FBXL17: variants seen among roughly 807,000 people sequenced by gnomAD.
FBXL17 encodes F-box and leucine rich repeat protein 17, also known as F-box/LRR-repeat protein 17.
In FBXL17, 22 loss-of-function variants were observed where a neutral mutation model predicts 66.2. The ratio of observed to expected loss-of-function variants is 0.33; its 90% CI spans 0.24 to 0.47. The LOEUF is 0.47. FBXL17 is among the 20% of genes least tolerant of loss of function. FBXL17 has a pLI of 1.00. For synonymous variants in FBXL17, 474 were observed against 400.5 expected (o/e 1.18, Z -2.19); for missense variants, 878 against 948.2 (o/e 0.93, Z 0.97).
chr5:108,198,703 G>A (rs1753776115), intron 5 of FBXL17, among the ~76,000 whole-genome samples: 1 of 152,156 alleles, frequency 6.6e-6, no homozygotes, highest in Admixed American at 6.6e-5. Flanking sequence ...GTTCCAAGAG[G>A]CAACAGCATT....
chr5:107,966,314 C>T (rs1002247650), intron 7 of FBXL17, among the ~76,000 whole-genome samples: 2 of 152,108 alleles, frequency 1.3e-5, no homozygotes, highest in African/African-American at 4.8e-5. Flanking sequence ...ACCAGACTCT[C>T]ACCCCTGTTT....
Position 108,295,255 on chromosome 5 carries a change from T to C in FBXL17, c.1506+53144A>G, listed in dbSNP as rs562000987. Among the ~76,000 whole-genome samples the C allele has an allele frequency of 4.6e-5, 7 of 151,896 alleles. No individual in the cohort carries two copies. In the South Asian group the frequency reaches 1.2e-3, roughly 27 times the overall value. On this transcript the variant is annotated intron_variant, in intron 4 of 8. Transcript: ENST00000542267. ...TACAAGAAAAAATATTTAAGAACTT[T>C]CTCCCAAATTCATATACTTTTCCAA...
At chr5:107,999,762 T>C (rs1453621059) in intron 7 of FBXL17, among the ~76,000 whole-genome samples, 1 of 152,184 alleles carries the variant, frequency 6.6e-6, no homozygotes, top group Non-Finnish European at 1.5e-5. Flanking sequence ...ACTTTACACA[T>C]AATGAATACT....
chr5:108,272,775 C>G (rs545697318), intron 4 of FBXL17, among the ~76,000 whole-genome samples: 3 of 151,980 alleles, frequency 2.0e-5, no homozygotes, highest in Non-Finnish European at 4.4e-5. Context: ...GACTAGTGTC[C>G]TAATTGTAAA....
At chr5:107,955,443 C>T (rs1238400540) in intron 7 of FBXL17, among the ~76,000 whole-genome samples, 1 of 152,110 alleles carries the variant, frequency 6.6e-6, no homozygotes, top group African/African-American at 2.4e-5. Flanking sequence ...ATCTGAAACC[C>T]TCTTTAATGT....
intron 6 of FBXL17, among the ~76,000 whole-genome samples, chr5:108,076,985 T>C (rs552499856): frequency 1.3e-5 from 2 of 152,192 alleles, no homozygotes; most frequent in Non-Finnish European, 2.9e-5. Flanking sequence ...CTTGTCTATA[T>C]GGTTCTTTTA....
At chr5:108,337,365 G>GA (rs1760437215) in intron 4 of FBXL17, among the ~76,000 whole-genome samples, 1 of 151,724 alleles carries the variant, frequency 6.6e-6, no homozygotes, top group South Asian at 2.1e-4. Flanking sequence ...TTCATACACT[G>GA]AAAAAAATTT....
chr5:108,234,458 C>T (rs188022532), intron 4 of FBXL17, among the ~76,000 whole-genome samples: 2 of 152,226 alleles, frequency 1.3e-5, no homozygotes, highest in East Asian at 1.9e-4. Flanking sequence ...TAAACACTGG[C>T]CTTTTAGGCT....
At chr5:108,031,952 T>C (rs1371825351) in intron 6 of FBXL17, among the ~76,000 whole-genome samples, 2 of 152,148 alleles carry the variant, frequency 1.3e-5, no homozygotes. Context: ...TCCAAGGATT[T>C]TGTGAAGGTT....
chr5:108,129,452 T>C (rs950811894), intron 6 of FBXL17, among the ~76,000 whole-genome samples: 2 of 152,094 alleles, frequency 1.3e-5, no homozygotes, highest in South Asian at 2.1e-4. Flanking sequence ...TGTTGAAAAG[T>C]CTCACAGGTA....
chr5:108,170,781 G>A (rs971142976), intron 6 of FBXL17, among the ~76,000 whole-genome samples: 3 of 152,206 alleles, frequency 2.0e-5, no homozygotes, highest in South Asian at 2.1e-4. Context: ...TGATCTGCCC[G>A]CCTCGGCCTC....
chr5:108,062,112 T>C (rs1013965860), intron 6 of FBXL17, among the ~76,000 whole-genome samples: 5 of 152,040 alleles, frequency 3.3e-5, no homozygotes, highest in African/African-American at 9.7e-5. Context: ...AGGACTCCTT[T>C]TACAAAAGGA....
chr5:107,861,733 G>A lies in FBXL17; in HGVS notation c.2093C>T (p.Ala698Val), dbSNP rs758958421. Residue 698 changes from alanine to valine, a missense_variant, in exon 9 of 9, where the codon GCC (alanine) becomes GTC (valine). Coordinates refer to ENST00000542267, the MANE Select transcript of FBXL17 (RefSeq NM_001163315.3). Reference protein sequence around the residue: ...YQMGWTPNMSAASS With the variant: ...YQMGWTPNMSVASS ...GAGGCAGGAGCGCTAGGAGGAGGCGGCAGACATGTTGGGGGTCCAGCCCAT... is the reference window on the plus strand; with the variant it reads ...GAGGCAGGAGCGCTAGGAGGAGGCGACAGACATGTTGGGGGTCCAGCCCAT... 8.9e-6 allele frequency: 14 copies of A among 1,576,518 alleles called. No homozygotes were observed. The East Asian group carries it at 2.6e-4, about 29-fold the overall frequency.
intron 8 of FBXL17, among the ~76,000 whole-genome samples, chr5:107,863,037 T>C (rs1164178072): frequency 6.6e-6 from 1 of 151,500 alleles, no homozygotes; most frequent in Non-Finnish European, 1.5e-5. Context: ...CTTGCTTGCG[T>C]TTAAGTGAAC....
chr5:108,197,742 T>C (rs1753735245), intron 5 of FBXL17, among the ~76,000 whole-genome samples: 1 of 152,168 alleles, frequency 6.6e-6, no homozygotes, highest in East Asian at 1.9e-4. Context: ...GAATGTTATG[T>C]CATATATTTT....
intron 7 of FBXL17, among the ~76,000 whole-genome samples, chr5:107,975,258 C>T (rs975534318): frequency 3.3e-5 from 5 of 152,056 alleles, no homozygotes; most frequent in Non-Finnish European, 2.9e-5. Context: ...CAGGATAAGA[C>T]AGGCTGGGTG....
intron 4 of FBXL17, among the ~76,000 whole-genome samples, chr5:108,322,008 T>C (rs961608003): frequency 2.0e-5 from 3 of 151,850 alleles, no homozygotes; most frequent in African/African-American, 4.8e-5. Context: ...TACCACTTCT[T>C]GACTGTCAAA....
chr5:107,893,671 C>A (rs1229112907), intron 7 of FBXL17, among the ~76,000 whole-genome samples: 2 of 152,054 alleles, frequency 1.3e-5, no homozygotes, highest in African/African-American at 4.8e-5. Context: ...TCTTAAATGT[C>A]ACCAAGTGAT....
At chr5:107,865,931 C>G (rs1165872544) in intron 8 of FBXL17, among the ~76,000 whole-genome samples, 1 of 152,174 alleles carries the variant, frequency 6.6e-6, no homozygotes, top group African/African-American at 2.4e-5. Context: ...GCGTAAGACA[C>G]CAGCAGAGCC....
Sources: gnomAD v4.1 joint callset for allele counts (sites outside exome capture counted in the v4.1 genomes callset) on GRCh38, gnomAD v4.1.1 for gene constraint, MANE v1.5 for transcripts, NCBI Gene and HGNC (gene_info 2026-07-23, HGNC 2026-07-21) for gene names.